Variants in CEP350 observed in about 807,000 individuals in gnomAD.
The protein encoded by CEP350 is centrosomal protein 350.
In CEP350, 126 loss-of-function variants were observed where a neutral mutation model predicts 331.8. The observed-to-expected ratio is 0.38, with a 90% CI of 0.33 to 0.44. CEP350 has a LOEUF of 0.44. CEP350 is among the 20% of genes least tolerant of loss of function. The pLI is 1.00. For synonymous variants in CEP350, 1,200 were observed against 1,259.5 expected (o/e 0.95, Z 1.00); for missense variants, 3,406 against 3,634.6 (o/e 0.94, Z 1.62).
intron 1 of CEP350, among the ~76,000 whole-genome samples, chr1:179,982,790 A>G (rs1221722745): frequency 1.3e-5 from 2 of 152,164 alleles, no homozygotes; most frequent in Non-Finnish European, 2.9e-5. Context: ...CAAAAGGAAA[A>G]TGAGTTTTTT....
rs755914331 is a variant in CEP350, at chr1:180,024,510, G to T, written c.3478G>T (p.Ala1160Ser). The change falls in exon 14 of 38, where the codon GCC becomes TCC. Residue 1160 changes from alanine (A) to serine (S), a missense_variant. Around this residue, in one of 5 missense-constraint regions of CEP350, gnomAD observed 1,857 missense variants for 1,909.2 expected, o/e 0.97. Coordinates refer to ENST00000367607, the MANE Select transcript of CEP350 (RefSeq NM_014810.5). ...VDVTSQHSSG[A>S]QSAASSRSST... Reference sequence around the variant, plus strand: ...TGTTACCTCCCAGCATTCATCAGGAGCCCAGTCTGCTGCATCGTCTCGTTC... The same window carrying T: ...TGTTACCTCCCAGCATTCATCAGGATCCCAGTCTGCTGCATCGTCTCGTTC... 1 of 1,613,468 alleles carries T rather than the reference G, an allele frequency of 6.2e-7. No individual in the cohort carries two copies. The highest frequency in any genetic ancestry group is 8.5e-7 in the Non-Finnish European group (1 of 1,179,702).
intron 7 of CEP350, among the ~76,000 whole-genome samples, chr1:180,003,947 G>A (rs1654041237): frequency 6.6e-6 from 1 of 152,128 alleles, no homozygotes; most frequent in Admixed American, 6.6e-5. Flanking sequence ...GGTCTTTGTA[G>A]TAAGCCCTCA....
At chr1:180,061,067 T>C (rs1658201352) in intron 25 of CEP350, among the ~76,000 whole-genome samples, 2 of 152,166 alleles carry the variant, frequency 1.3e-5, no homozygotes, top group Non-Finnish European at 2.9e-5. Flanking sequence ...GTTTTGGAAA[T>C]GTAGATGTTT....
chr1:179,960,752 C>T (rs180893931), intron 1 of CEP350, among the ~76,000 whole-genome samples: 3 of 152,078 alleles, frequency 2.0e-5, no homozygotes, highest in Admixed American at 6.5e-5. Context: ...TACACACATC[C>T]TATTAAGTAG....
rs1410628297 is a variant in CEP350, at chr1:180,044,042, T to C, written c.4500-9T>C. On this transcript the variant is annotated splice_polypyrimidine_tract_variant and intron_variant, in intron 20 of 37. Coordinates refer to ENST00000367607, the MANE Select transcript of CEP350 (RefSeq NM_014810.5). ...TTGAATGTTTAATCAGTTTTTATTT[T>C]ATTTGTAGGAAAAGTCCATCTGTTT... is the stretch of plus-strand genomic sequence containing the variant. 6.6e-7 allele frequency: 1 copy of C among 1,520,062 alleles called. No individual in the cohort carries two copies. Among genetic ancestry groups the C allele is most frequent in the East Asian group, 2.5e-5 (1 of 40,642 alleles). The allele number at this position is 1,520,062 out of a possible 1,614,324, so 94.2% of individuals were successfully genotyped here. A position where few individuals can be genotyped will look rare whatever the true frequency, so the allele number is the denominator to read the frequency against.
At position 180,093,608 on chromosome 1, in the gene CEP350, T is replaced by C. The variant is rs762249862; in HGVS notation, c.7503T>C (p.Asp2501=). The change falls in exon 34 of 38, where the codon GAT becomes GAC. Residue 2501 remains aspartate (D), a synonymous_variant. Coordinates refer to ENST00000367607, the MANE Select transcript of CEP350 (RefSeq NM_014810.5). ...AGTTATTTGATTTCCACATTGGTGA[T>C]AGGGTGTTGATTGGAAATGTTCAGC... The part of the protein sequence containing the change: ...ADELFDFHIG[D]RVLIGNVQPG... 1.9e-6 allele frequency: 3 copies of C among 1,613,974 alleles called. No individual in the cohort carries two copies. Among genetic ancestry groups the C allele is most frequent in the Non-Finnish European group, 2.5e-6 (3 of 1,179,868 alleles).
intron 7 of CEP350, among the ~76,000 whole-genome samples, chr1:180,003,998 G>A (rs534069691): frequency 6.6e-6 from 1 of 152,188 alleles, no homozygotes; most frequent in South Asian, 2.1e-4. Flanking sequence ...TTAAGTGTCC[G>A]ATCCAGTTTT....
At chr1:180,066,815 G>A (rs550049204) in intron 27 of CEP350, among the ~76,000 whole-genome samples, 1 of 152,172 alleles carries the variant, frequency 6.6e-6, no homozygotes, top group East Asian at 1.9e-4. Flanking sequence ...GTACTGTATT[G>A]TTCCAGCAGT....
chr1:180,006,572 G>A lies in CEP350; in HGVS notation c.1246+5G>A. The A allele has an allele frequency of 1.5e-6, 2 of 1,376,956 alleles. No homozygotes were observed. Among genetic ancestry groups the A allele is most frequent in the Non-Finnish European group, 2.0e-6 (2 of 990,778 alleles). 85.3% of individuals were successfully genotyped at this position (1,376,956 alleles called of 1,614,324 possible). ...CAAGTACAGAATGCAGAACAGGTTA[G>A]TTTTCTCAACATGTCCATCCTTTTT... On this transcript the variant is annotated splice_donor_5th_base_variant and intron_variant, in intron 8 of 37. Transcript: ENST00000367607.
Position 179,987,265 on chromosome 1 carries a change from A to G in CEP350, c.99A>G (p.Ala33=). ...VQADITTSWD[A]LSQTKAALRH... ...CAGATATAACCACATCGTGGGATGCACTTTCTCAAACCAAGGCTGCTGTAA... is the reference window on the plus strand; with the variant it reads ...CAGATATAACCACATCGTGGGATGCGCTTTCTCAAACCAAGGCTGCTGTAA... The change falls in exon 3 of 38, where the codon GCA becomes GCG. Residue 33 remains alanine (A), a synonymous_variant. Transcript: ENST00000367607. The G allele has an allele frequency of 1.3e-6, 2 of 1,566,468 alleles. No homozygotes were observed. Among genetic ancestry groups the G allele is most frequent in the Non-Finnish European group, 1.7e-6 (2 of 1,142,942 alleles).
Position 180,003,215 on chromosome 1 carries a change from A to G in CEP350, c.1060A>G (p.Lys354Glu), listed in dbSNP as rs765466896. ...SETKIRTPDG[K>E]VWQEAEFQNM... Reference sequence around the variant, plus strand: ...GACCAAGATTCGAACACCTGATGGGAAAGTGTGGCAGGAGGCTGAGTTTCA... The same window carrying G: ...GACCAAGATTCGAACACCTGATGGGGAAGTGTGGCAGGAGGCTGAGTTTCA... Residue 354 changes from lysine to glutamate, a missense_variant, in exon 7 of 38, where the codon AAA becomes GAA. Physicochemically the swap from Lys to Glu is moderately conservative, Grantham distance 56. Transcript: ENST00000367607. 2 of 1,613,446 alleles carry G rather than the reference A, an allele frequency of 1.2e-6. No individual in the cohort carries two copies. Among genetic ancestry groups the G allele is most frequent in the Non-Finnish European group, 8.5e-7 (1 of 1,179,666 alleles).
chr1:180,057,704 T>C (rs1447878310), intron 25 of CEP350, among the ~76,000 whole-genome samples: 1 of 152,164 alleles, frequency 6.6e-6, no homozygotes, highest in Non-Finnish European at 1.5e-5. Flanking sequence ...ATTAGAGTTA[T>C]CAACTGTTCA....
Position 180,036,987 on chromosome 1 carries a change from G to A in CEP350, c.4008G>A (p.Leu1336=). The change falls in exon 17 of 38, where the codon CTG becomes CTA. Residue 1336 remains leucine, a synonymous_variant. Transcript: ENST00000367607. ...HHRMAAELSY[L]NAIEESVRQL... is the part of the protein sequence containing the mutation. Reference sequence around the variant, plus strand: ...GTATGGCAGCAGAACTCAGTTATCTGAACGCCATTGAGGAGTCGGTGCGCC... The same window carrying A: ...GTATGGCAGCAGAACTCAGTTATCTAAACGCCATTGAGGAGTCGGTGCGCC... 1 of 1,596,556 alleles carries A rather than the reference G, an allele frequency of 6.3e-7. No homozygotes were observed. The highest frequency in any genetic ancestry group is 8.5e-7 in the Non-Finnish European group (1 of 1,171,382).
chr1:179,968,615 G>A (rs1651197614), intron 1 of CEP350: 1 of 367,276 alleles, frequency 2.7e-6, no homozygotes, highest in African/African-American at 2.1e-5. Flanking sequence ...ACCCAGAGAG[G>A]GGTGCATACA....
At position 180,084,151 on chromosome 1, in the gene CEP350, A is replaced by G. The variant is rs1215661132; in HGVS notation, c.6258A>G (p.Gln2086=). ...GGCAAAAGGAAAGACTGAAAGCCCA[A>G]GAAGCCAGTCTGATCAAGCAGTTAG... The part of the protein sequence containing the change: ...KKRQKERLKA[Q]EASLIKQLES... The change falls in exon 31 of 38, where the codon CAA becomes CAG. Residue 2086 remains glutamine, a synonymous_variant. Transcript: ENST00000367607. The G allele has an allele frequency of 3.1e-6, 5 of 1,587,772 alleles. No homozygotes were observed. The highest frequency in any genetic ancestry group is 2.3e-5 in the South Asian group (2 of 86,900).
chr1:180,031,250 T>G (rs1405105958), intron 14 of CEP350, 70 bp from the exon 15 acceptor site: 19 of 856,708 alleles, frequency 2.2e-5, no homozygotes, highest in Non-Finnish European at 3.5e-5. Flanking sequence ...TATTGAAATC[T>G]ATATATCAAT....
chr1:180,063,015 C>T (rs746021482), intron 26 of CEP350, among the ~76,000 whole-genome samples: 9 of 152,184 alleles, frequency 5.9e-5, no homozygotes, highest in Admixed American at 2.6e-4. Context: ...TTTTCACTTA[C>T]AAACTAAATT....
intron 8 of CEP350, among the ~76,000 whole-genome samples, chr1:180,010,404 C>CTTTTTTTTTTTTTTTTTTTTTTT (rs60408983): frequency 8.3e-6 from 1 of 119,810 alleles, no homozygotes; most frequent in Non-Finnish European, 1.7e-5. Flanking sequence ...CCCATGTTTG[C>CTTTTTTTTTTTTTTTTTTTTTTT]TTTTTTTTTT....
At chr1:180,051,478 C>T (rs763734882) in intron 22 of CEP350, among the ~76,000 whole-genome samples, 6 of 152,068 alleles carry the variant, frequency 3.9e-5, no homozygotes, top group South Asian at 2.1e-4. Context: ...AGAGGATGCA[C>T]GGAGCAACGT....
Sources: allele counts gnomAD v4.1 joint callset (sites outside exome capture counted in the v4.1 genomes callset), GRCh38; gene constraint gnomAD v4.1.1; regional missense constraint gnomAD v4.1.1; transcripts MANE v1.5; gene names NCBI Gene and HGNC (gene_info 2026-07-23, HGNC 2026-07-21).